The following DAB1 variants were observed in gnomAD, a reference collection of about 807,000 sequenced individuals.
The protein encoded by DAB1 is DAB adaptor protein 1, also known as disabled homolog 1.
Under a neutral mutation model 64.6 loss-of-function variants are expected in DAB1, and 15 were observed. The observed-to-expected ratio is 0.23, with a 90% confidence interval of 0.16 to 0.36. The LOEUF is 0.36. Among genes scored for constraint, DAB1 ranks in the 10% least tolerant of loss-of-function variants. The pLI, the probability that DAB1 is intolerant of heterozygous loss-of-function variation, is 1.00. For missense variants in DAB1, 596 were observed against 706.7 expected (o/e 0.84, Z 1.78); for synonymous variants, 235 against 251.9 (o/e 0.93, Z 0.64).
At chr1:57,239,977 T>C (rs17115430) in intron 2 of DAB1, among the ~76,000 whole-genome samples, 12,628 of 152,320 alleles carry the variant, frequency 0.083, 590 homozygotes, top group East Asian at 0.17. Context: ...GACTTGTCTT[T>C]TGACTCTGAT....
At position 57,835,679 on chromosome 1, in the gene DAB1, C is replaced by T. The variant is rs145579756; in HGVS notation, n.88-9224G>A. 1.4e-3 allele frequency among the ~76,000 whole-genome samples: 210 copies of T among 152,310 alleles called. 1 individual carries two copies. The highest frequency in any genetic ancestry group is 4.9e-3 in the African/African-American group (203 of 41,568). On this transcript the variant is annotated intron_variant and non_coding_transcript_variant, in intron 1 of 1. Transcript: ENST00000477280. ...CTACAGCCTGTGCAAACAAGGGAGA[C>T]GGTGCAGTGATAGATTGTGCCTAAG... is the stretch of plus-strand genomic sequence containing the variant.
At chr1:57,152,967 AAGAT>A (rs778570884) in intron 2 of DAB1, among the ~76,000 whole-genome samples, 1 of 152,176 alleles carries the variant, frequency 6.6e-6, no homozygotes, top group African/African-American at 2.4e-5. Context: ...ACGTAACTCT[AAGAT>A]AGATATATTT....
At chr1:58,078,808 C>T (rs1649807640) in intron 5 of DAB1, among the ~76,000 whole-genome samples, 1 of 152,138 alleles carries the variant, frequency 6.6e-6, no homozygotes, top group Non-Finnish European at 1.5e-5. Flanking sequence ...GATTACTATT[C>T]CTGACAATAA....
intron 1 of DAB1, among the ~76,000 whole-genome samples, chr1:57,356,291 C>T (rs920750603): frequency 3.3e-5 from 5 of 152,086 alleles, no homozygotes; most frequent in African/African-American, 1.2e-4. Context: ...AAAGTGGACA[C>T]ATGACTTAAA....
At chr1:57,523,997 C>T (rs913970836) in intron 7 of DAB1, among the ~76,000 whole-genome samples, 2 of 152,010 alleles carry the variant, frequency 1.3e-5, no homozygotes, top group East Asian at 1.9e-4. Flanking sequence ...AGCATGATCA[C>T]TTAAATTTTA....
chr1:58,423,940 A>C (rs1290572285), intron 3 of DAB1, among the ~76,000 whole-genome samples: 1 of 152,208 alleles, frequency 6.6e-6, no homozygotes, highest in African/African-American at 2.4e-5. Flanking sequence ...ACCAGCCCCA[A>C]GGAAAGGATC....
At chr1:57,248,352 C>T (rs1669052467) in intron 2 of DAB1, among the ~76,000 whole-genome samples, 1 of 152,014 alleles carries the variant, frequency 6.6e-6, no homozygotes, top group Admixed American at 6.6e-5. Flanking sequence ...GTCAACTGTA[C>T]ATTTTTATGA....
chr1:58,385,289 C>G (rs1261408909), intron 3 of DAB1, among the ~76,000 whole-genome samples: 2 of 152,172 alleles, frequency 1.3e-5, no homozygotes, highest in Non-Finnish European at 2.9e-5. Flanking sequence ...AATTAATCCT[C>G]TCCTTTTATG....
intron 4 of DAB1, among the ~76,000 whole-genome samples, chr1:58,204,711 AT>A (rs1324176902): frequency 6.6e-6 from 1 of 152,170 alleles, no homozygotes; most frequent in African/African-American, 2.4e-5. Flanking sequence ...GGGGACATTA[AT>A]TCCCACGCAT....
chr1:58,532,590 C>T (rs1043412126), intron 1 of DAB1, among the ~76,000 whole-genome samples: 1 of 152,070 alleles, frequency 6.6e-6, no homozygotes. Context: ...TGCAGTGGTG[C>T]GATCATGGCT....
chr1:58,379,185 C>A lies in DAB1; in HGVS notation n.258-35782G>T, dbSNP rs113279861. Among the ~76,000 whole-genome samples the A allele has an allele frequency of 6.5e-3, 995 of 152,210 alleles. 12 individuals carry two copies. The highest frequency in any genetic ancestry group is 0.023 in the African/African-American group (963 of 41,508). ...GCTGTAGACCGGAGCTGTTCCTATT[C>A]GGCCATCTTGGCTCCTCCCCCCCAG... is the stretch of plus-strand genomic sequence containing the variant. On this transcript the variant is annotated intron_variant and non_coding_transcript_variant, in intron 3 of 20. Coordinates refer to the DAB1 transcript ENST00000485760.
At chr1:58,363,509 C>T (rs979432509) in intron 3 of DAB1, among the ~76,000 whole-genome samples, 1 of 152,172 alleles carries the variant, frequency 6.6e-6, no homozygotes, top group Non-Finnish European at 1.5e-5. Context: ...ATTCTGCAAA[C>T]TCAGTTTTGT....
At chr1:57,009,429 A>C (rs1393846231) in intron 14 of DAB1, among the ~76,000 whole-genome samples, 2 of 152,234 alleles carry the variant, frequency 1.3e-5, no homozygotes, top group African/African-American at 4.8e-5. Context: ...CAACCTACAC[A>C]GTGTGTTAGG....
intron 5 of DAB1, among the ~76,000 whole-genome samples, chr1:57,924,956 A>G (rs2102028361): frequency 6.6e-6 from 1 of 152,302 alleles, no homozygotes; most frequent in Admixed American, 6.5e-5. Context: ...TAGTATTTGT[A>G]TTGGATTTAC....
chr1:58,536,629 G>A (rs780953941), intron 1 of DAB1: 8 of 872,664 alleles, frequency 9.2e-6, no homozygotes, highest in Admixed American at 6.8e-5. Flanking sequence ...ACCACAAAGA[G>A]CAATCCAAAA....
intron 5 of DAB1, among the ~76,000 whole-genome samples, chr1:57,904,776 G>C (rs879308979): frequency 7.2e-5 from 11 of 152,112 alleles, no homozygotes; most frequent in Admixed American, 6.6e-4. Context: ...CGCAGCTTAA[G>C]GATGGTAAGT....
chr1:57,444,262 A>G (rs923045722), intron 7 of DAB1, among the ~76,000 whole-genome samples: 1 of 152,166 alleles, frequency 6.6e-6, no homozygotes, highest in Non-Finnish European at 1.5e-5. Context: ...AGGTCCCTTT[A>G]TTATAATAAT....
intron 5 of DAB1, among the ~76,000 whole-genome samples, chr1:58,067,846 G>T (rs1648957458): frequency 6.6e-6 from 1 of 152,144 alleles, no homozygotes; most frequent in Non-Finnish European, 1.5e-5. Flanking sequence ...TGTTGTATTG[G>T]GGATAATGAG....
At chr1:58,007,958 T>A (rs1646610815) in intron 5 of DAB1, among the ~76,000 whole-genome samples, 1 of 152,212 alleles carries the variant, frequency 6.6e-6, no homozygotes, top group Non-Finnish European at 1.5e-5. Flanking sequence ...CTACATAGTA[T>A]AGAGAATCTT....
Sources: allele counts gnomAD v4.1 joint callset (sites outside exome capture counted in the v4.1 genomes callset), GRCh38; gene constraint gnomAD v4.1.1; transcripts MANE v1.5; gene names NCBI Gene and HGNC (gene_info 2026-07-23, HGNC 2026-07-21).